The following FBXO42 variants were observed in gnomAD, a reference collection of about 807,000 sequenced individuals.
The protein encoded by FBXO42 is F-box only protein 42.
FBXO42 carries 12 observed loss-of-function variants against 71.7 expected under a neutral mutation model. The observed-to-expected ratio is 0.17, with a 90% CI of 0.11 to 0.27. The LOEUF (loss-of-function observed/expected upper bound fraction) is 0.27. Ranked by LOEUF, FBXO42 falls within the 10% of genes least tolerant of loss-of-function variation. The probability of loss-of-function intolerance (pLI) is 1.00; values close to 1 mark genes in which losing one functional copy is unlikely to be tolerated. For synonymous variants in FBXO42, 325 were observed against 327.5 expected (o/e 0.99, Z 0.08); for missense variants, 707 against 911.9 (o/e 0.78, Z 2.89).
intron 1 of FBXO42, among the ~76,000 whole-genome samples, chr1:16,340,061 C>CA (rs1253462661): frequency 2.0e-5 from 3 of 152,022 alleles, no homozygotes; most frequent in Non-Finnish European, 4.4e-5. Flanking sequence ...CCTATAGTCC[C>CA]AGCTCTTGGG....
At chr1:16,344,084 A>G (rs577115561) in intron 1 of FBXO42, among the ~76,000 whole-genome samples, 1 of 151,160 alleles carries the variant, frequency 6.6e-6, no homozygotes, top group South Asian at 2.1e-4. Context: ...CGCAACCTCC[A>G]CCTCCCAGGT....
chr1:16,347,180 C>A (rs2082660688), intron 1 of FBXO42, among the ~76,000 whole-genome samples: 1 of 152,036 alleles, frequency 6.6e-6, no homozygotes, highest in Non-Finnish European at 1.5e-5. Context: ...CAAGATACAT[C>A]CACCTTTGAA....
intron 4 of FBXO42, among the ~76,000 whole-genome samples, chr1:16,260,094 T>C (rs1029607669): frequency 1.3e-5 from 2 of 152,152 alleles, no homozygotes; most frequent in African/African-American, 4.8e-5. Flanking sequence ...CAGGGATAGA[T>C]GAATAACTTA....
chr1:16,274,258 T>C (rs2081874675), intron 4 of FBXO42, among the ~76,000 whole-genome samples: 1 of 151,544 alleles, frequency 6.6e-6, no homozygotes, highest in Non-Finnish European at 1.5e-5. Context: ...TGAGCTATGA[T>C]AATCATGCCA....
chr1:16,260,517 A>G (rs994907437), intron 4 of FBXO42, among the ~76,000 whole-genome samples: 3 of 152,012 alleles, frequency 2.0e-5, no homozygotes, highest in Non-Finnish European at 2.9e-5. Context: ...CCCAATTACT[A>G]TGCAGCTTTT....
intron 3 of FBXO42, among the ~76,000 whole-genome samples, chr1:16,296,670 A>G (rs1250987539): frequency 6.9e-6 from 1 of 145,760 alleles, no homozygotes; most frequent in Non-Finnish European, 1.5e-5. Flanking sequence ...AAAAAAAAAC[A>G]AAAACAAAAA....
At chr1:16,340,351 T>C (rs1275974151) in intron 1 of FBXO42, among the ~76,000 whole-genome samples, 1 of 151,582 alleles carries the variant, frequency 6.6e-6, no homozygotes, top group Non-Finnish European at 1.5e-5. Flanking sequence ...GGAGTTTCAC[T>C]CTTGTTGCCT....
rs1313365704 is a variant in FBXO42, at chr1:16,246,898, T to G, written c.*3772A>C. 6.6e-6 allele frequency: 1 copy of G among 152,212 alleles called. No homozygotes were observed. The highest frequency in any genetic ancestry group is 2.4e-5 in the African/African-American group (1 of 41,454). 9.4% of individuals were successfully genotyped at this position (152,212 alleles called of 1,614,324 possible). A position where few individuals can be genotyped will look rare whatever the true frequency, so the allele number is the denominator to read the frequency against. ...CTAAAAAGTCATCAGGGGAAAACAT[T>G]AACAAAAAATGAAATTGACAGATTT... is the stretch of plus-strand genomic sequence containing the variant. On this transcript the variant is annotated 3_prime_UTR_variant, in exon 10 of 10. Coordinates refer to ENST00000375592, the MANE Select transcript of FBXO42 (RefSeq NM_018994.3).
intron 4 of FBXO42, among the ~76,000 whole-genome samples, chr1:16,264,353 A>G (rs1325727920): frequency 6.6e-6 from 1 of 152,208 alleles, no homozygotes; most frequent in Non-Finnish European, 1.5e-5. Context: ...CATAACCACT[A>G]TGGTGACATA....
At chr1:16,298,120 G>A (rs1366678041) in intron 3 of FBXO42, among the ~76,000 whole-genome samples, 2 of 151,976 alleles carry the variant, frequency 1.3e-5, no homozygotes, top group Admixed American at 6.6e-5. Context: ...CAGCTACTGG[G>A]GAGGCTGAGG....
At chr1:16,339,300 T>C (rs1485420174) in intron 1 of FBXO42, among the ~76,000 whole-genome samples, 1 of 152,058 alleles carries the variant, frequency 6.6e-6, no homozygotes, top group Non-Finnish European at 1.5e-5. Flanking sequence ...CACTATTTCA[T>C]ATTGTTATAG....
At chr1:16,313,429 A>G (rs2082335990) in intron 2 of FBXO42, among the ~76,000 whole-genome samples, 1 of 152,206 alleles carries the variant, frequency 6.6e-6, no homozygotes, top group South Asian at 2.1e-4. Flanking sequence ...ATAAATTCAT[A>G]TATTTGATTA....
intron 3 of FBXO42, among the ~76,000 whole-genome samples, chr1:16,304,153 G>C (rs2082226063): frequency 7.4e-6 from 1 of 134,948 alleles, no homozygotes; most frequent in Non-Finnish European, 1.6e-5. Flanking sequence ...TTTCACTCTT[G>C]TTGCCCAGGC....
At chr1:16,321,643 A>C (rs981132864) in intron 1 of FBXO42, among the ~76,000 whole-genome samples, 4 of 151,594 alleles carry the variant, frequency 2.6e-5, no homozygotes, top group Admixed American at 2.6e-4. Context: ...AATGAGTGTA[A>C]GGTTTATTGA....
chr1:16,348,098 T>C (rs1299835737), intron 1 of FBXO42, among the ~76,000 whole-genome samples: 2 of 152,100 alleles, frequency 1.3e-5, no homozygotes. Context: ...TGTCTGTAAG[T>C]CATATCCTTG....
At chr1:16,271,748 T>C (rs950686974) in intron 4 of FBXO42, among the ~76,000 whole-genome samples, 3 of 152,102 alleles carry the variant, frequency 2.0e-5, no homozygotes, top group African/African-American at 7.2e-5. Context: ...ACATAAGTGT[T>C]TGGTTTTCTT....
At chr1:16,296,821 G>GA (rs891020922) in intron 3 of FBXO42, among the ~76,000 whole-genome samples, 39 of 151,996 alleles carry the variant, frequency 2.6e-4, no homozygotes, top group African/African-American at 8.9e-4. Context: ...CCCGAGTTCA[G>GA]AAAAAGGGAA....
chr1:16,314,884 A>G (rs74830043), intron 2 of FBXO42, among the ~76,000 whole-genome samples: 6 of 142,624 alleles, frequency 4.2e-5, no homozygotes, highest in Middle Eastern at 3.6e-3. Flanking sequence ...ACTCCGTCTG[A>G]AAAAAAAAAA....
intron 1 of FBXO42, among the ~76,000 whole-genome samples, chr1:16,350,221 T>C (rs896532307): frequency 6.6e-6 from 1 of 152,086 alleles, no homozygotes; most frequent in African/African-American, 2.4e-5. Flanking sequence ...TGAAGTTGCA[T>C]CAATACCTGA....
Sources: allele counts gnomAD v4.1 joint callset (sites outside exome capture counted in the v4.1 genomes callset), GRCh38; gene constraint gnomAD v4.1.1; transcripts MANE v1.5; gene names NCBI Gene and HGNC (gene_info 2026-07-23, HGNC 2026-07-21).